SUMF2: variants seen among roughly 807,000 people sequenced by gnomAD.
SUMF2 encodes inactive C-alpha-formylglycine-generating enzyme 2.
In SUMF2, 45 loss-of-function variants were observed where a neutral mutation model predicts 44.8. The observed-to-expected ratio is 1.00, with a 90% confidence interval of 0.79 to 1.29. The LOEUF (loss-of-function observed/expected upper bound fraction) is 1.29. Ranked by LOEUF, SUMF2 falls within the 50% of genes most tolerant of loss-of-function variation. SUMF2 has a pLI of 0.00. For missense variants in SUMF2, 418 were observed against 389.9 expected, an observed-to-expected ratio of 1.07 and a Z score of -0.61; for synonymous variants, 148 against 150.4, an observed-to-expected ratio of 0.98 and a Z score of 0.12.
At chr7:56,068,408 G>T (rs1794950305) in intron 1 of SUMF2, 74 bp from the exon 2 acceptor site, 2 of 1,370,500 alleles carry the variant, frequency 1.5e-6, no homozygotes, top group East Asian at 2.4e-5. Context: ...CATGAGTATT[G>T]CATATGATCC....
In SUMF2 at chr7:56,078,398, G is replaced by A. The variant is rs768520310; in HGVS notation, c.711G>A (p.Trp237Ter). 1.2e-5 allele frequency: 19 copies of A among 1,611,666 alleles called. No homozygotes were observed. The South Asian group carries it at 2.1e-4, about 18-fold the overall frequency. Reference sequence around the variant, plus strand: ...ACCTCCTGGGGAACGTGTGGGAGTGGACAGCATCACCGTACCAGGCTGCTG... The same window carrying A: ...ACCTCCTGGGGAACGTGTGGGAGTGAACAGCATCACCGTACCAGGCTGCTG... ...LYDLLGNVWE[W>*]TASPYQAAEQ... The change falls in exon 8 of 9, where the codon TGG becomes TGA. Residue 237 changes from tryptophan (W) to a stop codon, truncating the protein, a stop_gained. Coordinates refer to ENST00000434526, the MANE Select transcript of SUMF2 (RefSeq NM_015411.4). LOFTEE classifies it high-confidence loss of function.
downstream of SUMF2, chr7:56,084,112 G>A: frequency 8.7e-7 from 1 of 1,148,506 alleles, no homozygotes; most frequent in African/African-American, 1.5e-5. Flanking sequence ...GACCAGGGAA[G>A]CAATGGGCCC....
chr7:56,083,501 A>G (rs1796117396), downstream of SUMF2: 2 of 1,587,280 alleles, frequency 1.3e-6, no homozygotes, highest in African/African-American at 1.3e-5. Context: ...ACAGGCAGGG[A>G]GACACAGCTC....
chr7:56,081,268 C>T (rs199541903), downstream of SUMF2: 26 of 1,612,092 alleles, frequency 1.6e-5, no homozygotes, highest in Admixed American at 2.5e-4. This position sits in a 1 kb window ranked among gnomAD's most constrained non-coding sequence, Gnocchi z 4.6. Context: ...GTAGTAGATC[C>T]GCACTGAAGC....
At chr7:56,070,697 A>T in intron 2 of SUMF2, among the ~76,000 whole-genome samples, 1 of 152,012 alleles carries the variant, frequency 6.6e-6, no homozygotes, top group Non-Finnish European at 1.5e-5. Context: ...CCCACCCTTA[A>T]ATCTCCTGCT....
Position 56,072,022 on chromosome 7 carries a change from C to G in SUMF2, c.225-975C>G, listed in dbSNP as rs529713950. ...ACTGGGGAAGCTGAGGCAAGAGAAT[C>G]GCTTGAACCCAGGAGGTGGAGGTTG... is the stretch of plus-strand genomic sequence containing the variant. On this transcript the variant is annotated intron_variant, in intron 2 of 8. Transcript: ENST00000434526. 4.0e-5 allele frequency among the ~76,000 whole-genome samples: 6 copies of G among 150,738 alleles called. No homozygotes were observed. The South Asian group carries it at 1.3e-3, about 32-fold the overall frequency.
rs147361161 is a variant in SUMF2 at position 56,078,119 on chromosome 7, A to G, written c.609A>G (p.Gly203=). The change falls in exon 7 of 9, where the codon GGA becomes GGG. Residue 203 remains glycine (G), a synonymous_variant. Coordinates refer to ENST00000434526, the MANE Select transcript of SUMF2 (RefSeq NM_015411.4). ...CCCATCAGGGAAAGTTCCCCAAGGG[A>G]GACAAAGCTGAGGATGGCTTCCATG... ...TNLWQGKFPK[G]DKAEDGFHGV... is the part of the protein sequence containing the mutation. 1.9e-5 allele frequency: 31 copies of G among 1,612,312 alleles called. No individual in the cohort carries two copies. In the African/African-American group the frequency reaches 3.5e-4, roughly 18 times the overall value.
intron 6 of SUMF2, 39 bp downstream of exon 6, chr7:56,076,928 A>T: frequency 6.3e-7 from 1 of 1,584,282 alleles, no homozygotes; most frequent in Non-Finnish European, 8.6e-7. Context: ...GCATTGACAG[A>T]GACCTGCTGG....
chr7:56,081,379 C>T (rs1230741832), downstream of SUMF2: 2 of 1,501,938 alleles, frequency 1.3e-6, no homozygotes, highest in Non-Finnish European at 1.8e-6. The surrounding 1 kb of genome is among the most constrained non-coding windows in gnomAD (Gnocchi z 4.6). Context: ...ACGCTCTGGG[C>T]TCGTTTGCCA....
At chr7:56,083,614 G>A, downstream of SUMF2, 1 of 1,553,226 alleles carries the variant, frequency 6.4e-7, no homozygotes, top group Non-Finnish European at 8.8e-7. Flanking sequence ...TAAGCCACGT[G>A]GGAGGGAGCG....
chr7:56,079,199 G>T (rs996038812), intron 8 of SUMF2, among the ~76,000 whole-genome samples: 2 of 152,140 alleles, frequency 1.3e-5, no homozygotes, highest in African/African-American at 2.4e-5. Flanking sequence ...CTTGTGGACA[G>T]GTTTTCTCTA....
downstream of SUMF2, among the ~76,000 whole-genome samples, chr7:56,083,954 C>A (rs1003558723): frequency 2.0e-5 from 3 of 152,184 alleles, no homozygotes; most frequent in Non-Finnish European, 4.4e-5. Flanking sequence ...CTCATCAACC[C>A]TCCGAGGAAT....
intron 2 of SUMF2, among the ~76,000 whole-genome samples, chr7:56,070,083 A>G (rs1795061770): frequency 6.6e-6 from 1 of 151,514 alleles, no homozygotes; most frequent in Non-Finnish European, 1.5e-5. Flanking sequence ...TATTTTTTGT[A>G]TTTTTAGTAG....
At position 56,079,933 on chromosome 7, in the gene SUMF2, AT is replaced by A. The variant is rs1484195435; in HGVS notation, c.*325del. On this transcript the variant is annotated 3_prime_UTR_variant, in exon 9 of 9. Transcript: ENST00000434526. ...CACTCTGAAAGGCCATTTTTTAAGC[AT>A]TTTAAAATCTATTCTCTCCCCCTTT... 2.3e-5 allele frequency: 31 copies of A among 1,373,246 alleles called. No individual in the cohort carries two copies. Among genetic ancestry groups the A allele is most frequent in the Middle Eastern group, 3.7e-4 (2 of 5,378 alleles). The allele number at this position is 1,373,246 out of a possible 1,614,324, so 85.1% of individuals were successfully genotyped here. A position where few individuals can be genotyped will look rare whatever the true frequency, so the allele number is the denominator to read the frequency against.
At chr7:56,086,921 C>A in the SUMF2 span, 6 of 1,435,180 alleles carry the variant, frequency 4.2e-6, no homozygotes, top group Admixed American at 1.0e-4. Flanking sequence ...GAGGGGACAG[C>A]AGTCGGAGGT....
Position 56,078,444 on chromosome 7 carries a change from C to CG in SUMF2, c.763dup (p.Ala255GlyfsTer8), listed in dbSNP as rs776978621. The CG allele has an allele frequency of 3.7e-6, 6 of 1,608,418 alleles. No homozygotes were observed. Among genetic ancestry groups the CG allele is most frequent in the Admixed American group, 1.7e-5 (1 of 59,258 alleles). On this transcript the variant is annotated frameshift_variant, in exon 8 of 9. Coordinates refer to ENST00000434526, the MANE Select transcript of SUMF2 (RefSeq NM_015411.4). LOFTEE classifies it high-confidence loss of function. ...TGCTGAGCAGGACATGCGCGTCCTC[C>CG]GGGGGGCATCCTGGATCGACACAGC...
At chr7:56,082,133 TG>T (rs764754022), downstream of SUMF2, 1 of 1,612,924 alleles carries the variant, frequency 6.2e-7, no homozygotes, top group Admixed American at 1.7e-5. Context: ...CCAGCCTAGC[TG>T]GGTGCTCCTC....
chr7:56,084,350 AGAAG>A, downstream of SUMF2: 1 of 611,410 alleles, frequency 1.6e-6, no homozygotes, highest in Middle Eastern at 2.6e-4. Context: ...GACCCAGATC[AGAAG>A]GACGTGAGTA....
chr7:56,066,082 C>CAAAAAAAAAAAAAAAA (rs71015176), intron 1 of SUMF2, among the ~76,000 whole-genome samples: 1 of 69,690 alleles, frequency 1.4e-5, no homozygotes, highest in African/African-American at 5.6e-5. Context: ...CTCCGCCTCA[C>CAAAAAAAAAAAAAAAA]AAAAAAAAAA....
Sources: allele counts gnomAD v4.1 joint callset (sites outside exome capture counted in the v4.1 genomes callset), GRCh38; gene constraint gnomAD v4.1.1; non-coding constraint Gnocchi (gnomAD v3.1); transcripts MANE v1.5; gene names NCBI Gene and HGNC (gene_info 2026-07-23, HGNC 2026-07-21).